KIF13B: variants seen among roughly 807,000 people sequenced by gnomAD.
The protein encoded by KIF13B is kinesin family member 13B, also known as kinesin-like protein KIF13B.
A neutral mutation model predicts 222.0 loss-of-function variants in KIF13B; 127 were observed. The observed-to-expected ratio is 0.57, with a 90% CI of 0.50 to 0.66. KIF13B has a LOEUF of 0.66. Among genes scored for constraint, KIF13B ranks in the 30% least tolerant of loss-of-function variants. The probability of loss-of-function intolerance (pLI) is 0.00; values close to 1 mark genes in which losing one functional copy is unlikely to be tolerated. For missense variants in KIF13B, 2,173 were observed against 2,379.0 expected, an observed-to-expected ratio of 0.91 and a Z score of 1.80; for synonymous variants, 976 against 919.0, an observed-to-expected ratio of 1.06 and a Z score of -1.12.
At chr8:29,113,651 C>A in intron 31 of KIF13B, 96 bp from the exon 32 acceptor site, 1 of 736,324 alleles carries the variant, frequency 1.4e-6, no homozygotes, top group Non-Finnish European at 2.3e-6. Flanking sequence ...TCATTCTAAC[C>A]AAAAGAAAAC....
At chr8:29,225,203 T>G (rs540500571) in intron 2 of KIF13B, among the ~76,000 whole-genome samples, 2 of 152,296 alleles carry the variant, frequency 1.3e-5, no homozygotes, top group Admixed American at 1.3e-4. Context: ...GGGCCACATG[T>G]GGAGGACGGG....
At chr8:29,170,088 G>T (rs904449300) in intron 10 of KIF13B, among the ~76,000 whole-genome samples, 1 of 152,188 alleles carries the variant, frequency 6.6e-6, no homozygotes, top group Non-Finnish European at 1.5e-5. Flanking sequence ...CAGCAAAAAG[G>T]AAATCACAAC....
chr8:29,192,607 C>T (rs1813236186), intron 3 of KIF13B, among the ~76,000 whole-genome samples: 1 of 152,182 alleles, frequency 6.6e-6, no homozygotes, highest in Non-Finnish European at 1.5e-5. Flanking sequence ...TTTTATCTAT[C>T]TCTGCTATAA....
At chr8:29,196,164 A>G in intron 3 of KIF13B, 23 bp downstream of exon 3, 3 of 1,559,614 alleles carry the variant, frequency 1.9e-6, no homozygotes, top group Non-Finnish European at 2.6e-6. Flanking sequence ...TACAAGCATC[A>G]CATAACAAAC....
At chr8:29,184,064 GTAGA>G (rs1468980532) in intron 6 of KIF13B, among the ~76,000 whole-genome samples, 1 of 152,044 alleles carries the variant, frequency 6.6e-6, no homozygotes, top group Non-Finnish European at 1.5e-5. Flanking sequence ...ACTGGATAAA[GTAGA>G]TATAGAATAT....
chr8:29,218,637 T>C (rs974931019), intron 2 of KIF13B, among the ~76,000 whole-genome samples: 6 of 152,072 alleles, frequency 3.9e-5, no homozygotes, highest in African/African-American at 9.7e-5. Context: ...CAAACAAAAA[T>C]TTAAGAATAT....
intron 2 of KIF13B, among the ~76,000 whole-genome samples, chr8:29,237,441 T>TA (rs1281781696): frequency 6.6e-6 from 1 of 152,144 alleles, no homozygotes; most frequent in South Asian, 2.1e-4. Context: ...ATAACTAACT[T>TA]AATCTAGAGC....
At position 29,072,167 on chromosome 8, in the gene KIF13B, G is replaced by A. The variant is rs1171898107; in HGVS notation, c.4671C>T (p.Pro1557=). ...TAGAGGCTTCACTCAGGGGGCTGGG[G>A]GGCCCGTCCTGTGCCTCCGGAGCCG... ...VTPAPEAQDG[P]PSPLSEASSG... Residue 1557 remains proline, a synonymous_variant, in exon 39 of 40, where the codon CCC becomes CCT. Transcript: ENST00000524189. The A allele has an allele frequency of 2.8e-6, 4 of 1,426,620 alleles. No homozygotes were observed. Among genetic ancestry groups the A allele is most frequent in the South Asian group, 1.6e-5 (1 of 62,478 alleles). 88.4% of individuals were successfully genotyped at this position (1,426,620 alleles called of 1,614,324 possible).
chr8:29,085,871 A>C (rs79209007), intron 37 of KIF13B, among the ~76,000 whole-genome samples: 1 of 150,534 alleles, frequency 6.6e-6, no homozygotes, highest in Admixed American at 6.6e-5. Flanking sequence ...AAAAAAAAAA[A>C]AGAGTACCTT....
At chr8:29,130,304 G>T (rs1346219778) in intron 24 of KIF13B, among the ~76,000 whole-genome samples, 1 of 152,188 alleles carries the variant, frequency 6.6e-6, no homozygotes, top group Non-Finnish European at 1.5e-5. Context: ...TTGAGCCTAG[G>T]AGTTCAAGAC....
chr8:29,223,906 T>C (rs796596785), intron 2 of KIF13B, among the ~76,000 whole-genome samples: 34 of 151,896 alleles, frequency 2.2e-4, no homozygotes, highest in African/African-American at 8.0e-4. Flanking sequence ...TTAGCCAGGA[T>C]GGTCTCGATC....
chr8:29,080,962 T>C (rs1807782699), intron 37 of KIF13B, among the ~76,000 whole-genome samples: 1 of 152,184 alleles, frequency 6.6e-6, no homozygotes, highest in South Asian at 2.1e-4. Flanking sequence ...AAACTACAGC[T>C]GGAGGGAGCT....
At chr8:29,197,440 T>G (rs565253622) in intron 2 of KIF13B, among the ~76,000 whole-genome samples, 1 of 151,134 alleles carries the variant, frequency 6.6e-6, no homozygotes, top group African/African-American at 2.4e-5. Context: ...AGAATGCCCA[T>G]AGACCTTTCC....
intron 13 of KIF13B, among the ~76,000 whole-genome samples, chr8:29,157,834 A>C (rs1010434741): frequency 9.3e-5 from 14 of 150,036 alleles, no homozygotes; most frequent in African/African-American, 2.4e-5. Flanking sequence ...CTGCCTCAAA[A>C]AAAAAAAAAA....
intron 24 of KIF13B, among the ~76,000 whole-genome samples, chr8:29,129,285 A>G (rs1413556904): frequency 6.6e-6 from 1 of 152,224 alleles, no homozygotes; most frequent in East Asian, 1.9e-4. Flanking sequence ...CAGTAGATGA[A>G]TTTCTAAGAC....
chr8:29,184,640 T>A (rs1440781809), intron 6 of KIF13B, among the ~76,000 whole-genome samples: 1 of 152,208 alleles, frequency 6.6e-6, no homozygotes, highest in African/African-American at 2.4e-5. Flanking sequence ...AGTAAGCTGT[T>A]AATTACTAAC....
intron 14 of KIF13B, among the ~76,000 whole-genome samples, chr8:29,153,928 T>C (rs1399148318): frequency 3.9e-5 from 6 of 152,236 alleles, no homozygotes; most frequent in East Asian, 1.9e-4. Context: ...CCTGGTGATA[T>C]AGTATTCGTG....
At chr8:29,154,060 C>T (rs1811412281) in intron 14 of KIF13B, among the ~76,000 whole-genome samples, 1 of 152,088 alleles carries the variant, frequency 6.6e-6, no homozygotes, top group Non-Finnish European at 1.5e-5. Context: ...GCCTGTAATC[C>T]AGCACTTTGT....
chr8:29,227,637 A>G (rs1815082696), intron 2 of KIF13B, among the ~76,000 whole-genome samples: 1 of 152,180 alleles, frequency 6.6e-6, no homozygotes, highest in Non-Finnish European at 1.5e-5. Context: ...AGGGTTCATG[A>G]CCAACAAAAG....
Sources: allele counts gnomAD v4.1 joint callset (sites outside exome capture counted in the v4.1 genomes callset), GRCh38; gene constraint gnomAD v4.1.1; transcripts MANE v1.5; gene names NCBI Gene and HGNC (gene_info 2026-07-23, HGNC 2026-07-21).